Variants in VCPIP1 observed in about 807,000 individuals in gnomAD.
VCPIP1 encodes deubiquitinating protein VCPIP1.
Under a neutral mutation model 85.0 loss-of-function variants are expected in VCPIP1, and 8 were observed. The observed-to-expected ratio is 0.09, with a 90% CI of 0.06 to 0.17. The LOEUF is 0.17. Ranked by LOEUF, VCPIP1 falls within the 10% of genes least tolerant of loss-of-function variation. The probability of loss-of-function intolerance (pLI) is 1.00; values close to 1 mark genes in which losing one functional copy is unlikely to be tolerated. For missense variants in VCPIP1, 1,070 were observed against 1,486.3 expected (o/e 0.72, Z 4.61); for synonymous variants, 543 against 544.5 (o/e 1.00, Z 0.04).
chr8:66,639,762 TAA>T (rs950498678), intron 2 of VCPIP1, among the ~76,000 whole-genome samples: 3 of 152,176 alleles, frequency 2.0e-5, no homozygotes, highest in Non-Finnish European at 4.4e-5. Context: ...TTGAATAAAA[TAA>T]GAGAGTTATG....
At chr8:66,649,428 C>G (rs1811031495) in intron 2 of VCPIP1, among the ~76,000 whole-genome samples, 1 of 151,946 alleles carries the variant, frequency 6.6e-6, no homozygotes, top group Non-Finnish European at 1.5e-5. Flanking sequence ...GGGAGGATCA[C>G]CTAAGCCCAG....
At chr8:66,660,727 A>G (rs1811146871) in intron 1 of VCPIP1, among the ~76,000 whole-genome samples, 1 of 152,176 alleles carries the variant, frequency 6.6e-6, no homozygotes, top group South Asian at 2.1e-4. Context: ...TGAATTTTGT[A>G]GGAACATCTT....
rs1811218668 is a variant in VCPIP1, at chr8:66,666,821, G to A, written c.138C>T (p.Ser46=). 6 of 1,613,776 alleles carry A rather than the reference G, an allele frequency of 3.7e-6. No homozygotes were observed. Among genetic ancestry groups the A allele is most frequent in the East Asian group, 2.2e-5 (1 of 44,898 alleles). The part of the protein sequence containing the change: ...LLKRRDRRIL[S]GSCPDPKCQA... ...GACACTTCGGATCCGGGCAGCTCCCGGAAAGGATTCTCCGGTCTCTCCGCT... is the reference window on the plus strand; with the variant it reads ...GACACTTCGGATCCGGGCAGCTCCCAGAAAGGATTCTCCGGTCTCTCCGCT... The change falls in exon 1 of 3, where the codon TCC becomes TCT. Residue 46 remains serine (S), a synonymous_variant. Transcript: ENST00000310421. The surrounding 1 kb of genome is among the most constrained non-coding windows in gnomAD (Gnocchi z 6.3).
rs746488625 is a variant in VCPIP1, at chr8:66,664,648, T to G, written c.2311A>C (p.Thr771Pro). ...ATTCGGATCTTCTTCTCCTTAGAAG[T>G]TGTCGGTGAATAGGGAGCCTTGGTA... ...TPTKAPYSPT[T>P]SKEKKIRITT... The change falls in exon 1 of 3, where the codon ACT becomes CCT. Residue 771 changes from threonine to proline, a missense_variant. Transcript: ENST00000310421. 48 of 1,613,422 alleles carry G rather than the reference T, an allele frequency of 3.0e-5. No individual in the cohort carries two copies. The Admixed American group carries it at 8.0e-4, about 27-fold the overall frequency.
At chr8:66,661,568 T>C (rs1811157577) in intron 1 of VCPIP1, among the ~76,000 whole-genome samples, 1 of 151,744 alleles carries the variant, frequency 6.6e-6, no homozygotes, top group Non-Finnish European at 1.5e-5. Flanking sequence ...ACCCTGTCTC[T>C]ACTAAAAATA....
intron 2 of VCPIP1, among the ~76,000 whole-genome samples, chr8:66,640,393 A>G (rs1490123040): frequency 6.6e-6 from 1 of 152,216 alleles, no homozygotes; most frequent in Non-Finnish European, 1.5e-5. Context: ...GACACTTAGA[A>G]GTCAGAGTGT....
At position 66,658,076 on chromosome 8, in the gene VCPIP1, C is replaced by T. The variant is rs557543702; in HGVS notation, c.2710+6173G>A. 1.5e-4 allele frequency among the ~76,000 whole-genome samples: 23 copies of T among 152,246 alleles called. No homozygotes were observed. The East Asian group carries it at 4.4e-3, about 29-fold the overall frequency. ...TGCAGCCAGACACGGTGGCTCACGCCTGTAATCCCAGCACTTTGGGAGGCC... is the reference window on the plus strand; with the variant it reads ...TGCAGCCAGACACGGTGGCTCACGCTTGTAATCCCAGCACTTTGGGAGGCC... On this transcript the variant is annotated intron_variant, in intron 1 of 2. Transcript: ENST00000310421.
rs189720527 is a variant in VCPIP1 at position 66,647,297 on chromosome 8, C to A, written c.2797+4161G>T. Among the ~76,000 whole-genome samples the A allele has an allele frequency of 1.9e-4, 29 of 151,616 alleles. 1 individual carries two copies. Among genetic ancestry groups the A allele is most frequent in the Admixed American group, 1.4e-3 (22 of 15,242 alleles). ...CAGAGGTTGCAGTGACCCAAGACTG[C>A]GACACTGCACTCCAGCCTGGGCAAC... On this transcript the variant is annotated intron_variant, in intron 2 of 2. Coordinates refer to ENST00000310421, the MANE Select transcript of VCPIP1 (RefSeq NM_025054.5).
intron 2 of VCPIP1, among the ~76,000 whole-genome samples, chr8:66,650,937 C>T (rs1031320397): frequency 7.8e-5 from 11 of 141,056 alleles, no homozygotes; most frequent in Non-Finnish European, 1.4e-4. Flanking sequence ...GCAATCCCAA[C>T]ACTTTGGGAG....
At chr8:66,659,655 G>A (rs1811136555) in intron 1 of VCPIP1, among the ~76,000 whole-genome samples, 1 of 152,212 alleles carries the variant, frequency 6.6e-6, no homozygotes. Flanking sequence ...ATACAGGCCG[G>A]GTGCAGTGGC....
chr8:66,652,315 A>G (rs755128161), intron 1 of VCPIP1, among the ~76,000 whole-genome samples: 16 of 152,232 alleles, frequency 1.1e-4, no homozygotes, highest in Admixed American at 2.0e-4. Flanking sequence ...AAGATTATTG[A>G]AAGATATTTT....
At chr8:66,637,100 G>A (rs965817200) in intron 2 of VCPIP1, among the ~76,000 whole-genome samples, 3 of 151,798 alleles carry the variant, frequency 2.0e-5, no homozygotes, top group African/African-American at 4.8e-5. Context: ...AGGCTGAGGC[G>A]GGAGGATCGC....
chr8:66,666,666 A>G lies in VCPIP1; in HGVS notation c.293T>C (p.Leu98Pro). The change falls in exon 1 of 3, where the codon CTG becomes CCG. Residue 98 changes from leucine (L) to proline (P), a missense_variant. Transcript: ENST00000310421. The surrounding 1 kb of genome is among the most constrained non-coding windows in gnomAD (Gnocchi z 6.3). The part of the protein sequence containing the change: ...VTDPDVVLHN[L>P]LRNALLGVTG... ...AACCCCGAGCAGCGCGTTCCGCAGCAGGTTGTGTAGCACTACGTCCGGGTC... is the reference window on the plus strand; with the variant it reads ...AACCCCGAGCAGCGCGTTCCGCAGCGGGTTGTGTAGCACTACGTCCGGGTC... The G allele has an allele frequency of 6.2e-7, 1 of 1,614,166 alleles. No individual in the cohort carries two copies. The highest frequency in any genetic ancestry group is 8.5e-7 in the Non-Finnish European group (1 of 1,180,016).
chr8:66,667,018 A>C lies in VCPIP1; in HGVS notation c.-60T>G. The C allele has an allele frequency of 6.9e-7, 1 of 1,451,272 alleles. No individual in the cohort carries two copies. Among genetic ancestry groups the C allele is most frequent in the African/African-American group, 1.4e-5 (1 of 69,976 alleles). The allele number at this position is 1,451,272 out of a possible 1,614,324, so 89.9% of individuals were successfully genotyped here. A position where few individuals can be genotyped will look rare whatever the true frequency, so the allele number is the denominator to read the frequency against. ...GGCGACCCTCAAAAGCTCATAGCCC[A>C]GACCCCCACCAACCCGACTCGGTCC... On this transcript the variant is annotated 5_prime_UTR_variant, in exon 1 of 3. Coordinates refer to ENST00000310421, the MANE Select transcript of VCPIP1 (RefSeq NM_025054.5).
At chr8:66,644,080 T>C (rs1467002748) in intron 2 of VCPIP1, among the ~76,000 whole-genome samples, 1 of 152,084 alleles carries the variant, frequency 6.6e-6, no homozygotes, top group Non-Finnish European at 1.5e-5. Context: ...AAACAGATAA[T>C]TTTAAAAGTA....
intron 1 of VCPIP1, among the ~76,000 whole-genome samples, chr8:66,658,729 C>A (rs1811125098): frequency 6.6e-6 from 1 of 152,100 alleles, no homozygotes; most frequent in Admixed American, 6.6e-5. Flanking sequence ...CCTCATGATC[C>A]ACCCGCCTCA....
intron 2 of VCPIP1, among the ~76,000 whole-genome samples, chr8:66,644,469 AC>A (rs1335033947): frequency 1.3e-5 from 2 of 152,218 alleles, no homozygotes; most frequent in African/African-American, 4.8e-5. Context: ...AGAGCATCTC[AC>A]AAAATTCAAC....
At chr8:66,656,944 C>T (rs960671181) in intron 1 of VCPIP1, among the ~76,000 whole-genome samples, 2 of 152,048 alleles carry the variant, frequency 1.3e-5, no homozygotes, top group Non-Finnish European at 2.9e-5. Context: ...CTTGCTCTGT[C>T]CCCCAGCCTG....
chr8:66,642,353 T>C (rs1810956157), intron 2 of VCPIP1, among the ~76,000 whole-genome samples: 2 of 152,198 alleles, frequency 1.3e-5, no homozygotes, highest in African/African-American at 4.8e-5. Flanking sequence ...CAGATACATG[T>C]TTGCAAAAAT....
Sources: allele counts gnomAD v4.1 joint callset (sites outside exome capture counted in the v4.1 genomes callset), GRCh38; gene constraint gnomAD v4.1.1; non-coding constraint Gnocchi (gnomAD v3.1); transcripts MANE v1.5; gene names NCBI Gene and HGNC (gene_info 2026-07-23, HGNC 2026-07-21).